ZNF514: variants seen among roughly 807,000 people sequenced by gnomAD.
ZNF514 encodes zinc finger protein 514.
In ZNF514, 12 loss-of-function variants were observed where a neutral mutation model predicts 9.7. That is an observed-to-expected ratio of 1.24 (90% CI 0.79 to 2.01). The LOEUF is 2.01. Among genes scored for constraint, ZNF514 ranks in the 30% most tolerant of loss-of-function variants. The pLI, the probability that ZNF514 is intolerant of heterozygous loss-of-function variation, is 0.00. For missense variants in ZNF514, 467 were observed against 465.5 expected (o/e 1.00, Z -0.03); for synonymous variants, 158 against 163.7 (o/e 0.97, Z 0.27).
In ZNF514 at chr2:95,157,183, C is replaced by T. The variant is rs557746180; in HGVS notation, c.-7+168G>A. ...GAGTGGGTGCACAGCAAGAAGAGAA[C>T]ACCCCGGACAGGTCAGGGAGCCATC... On this transcript the variant is annotated intron_variant, in intron 2 of 4. Transcript: ENST00000295208. Among the ~76,000 whole-genome samples the T allele has an allele frequency of 5.6e-4, 86 of 152,258 alleles. 1 individual carries two copies. The highest frequency in any genetic ancestry group is 1.9e-3 in the African/African-American group (78 of 41,554).
chr2:95,131,257 C>T, the ZNF514 span, among the ~76,000 whole-genome samples: 1 of 152,226 alleles, frequency 6.6e-6, no homozygotes. Flanking sequence ...CTACTCCCCA[C>T]TCTTCCTCAT....
chr2:95,127,427 T>G, the ZNF514 span, among the ~76,000 whole-genome samples: 16 of 152,228 alleles, frequency 1.1e-4, no homozygotes, highest in Non-Finnish European at 2.2e-4. Context: ...AAGGTCCTAG[T>G]GAGCCTGGCC....
chr2:95,130,967 G>A, the ZNF514 span, among the ~76,000 whole-genome samples: 1 of 152,300 alleles, frequency 6.6e-6, no homozygotes, highest in African/African-American at 2.4e-5. Flanking sequence ...GTAAAGACAG[G>A]CGTTAAGAAA....
chr2:95,124,011 C>A, the ZNF514 span, among the ~76,000 whole-genome samples: 3 of 152,182 alleles, frequency 2.0e-5, no homozygotes, highest in African/African-American at 7.2e-5. Context: ...ACATCAAAAC[C>A]AGGAAGCTGA....
At position 95,146,597 on chromosome 2, in the gene ZNF514, G is replaced by T. The variant is rs528729092; in HGVS notation, c.*2685C>A. ...GCAGGAGGTTGGAGCAGCCTAAAGA[G>T]GGCATTATATACCACACACGGGGGG... On this transcript the variant is annotated 3_prime_UTR_variant, in exon 5 of 5. Transcript: ENST00000295208. Among the ~76,000 whole-genome samples, 38 of 150,946 alleles carry T rather than the reference G, an allele frequency of 2.5e-4. No homozygotes were observed. Among genetic ancestry groups the T allele is most frequent in the Non-Finnish European group, 4.6e-4 (31 of 67,808 alleles).
rs1673365497 is a variant in ZNF514, at chr2:95,146,583, G to A, written c.*2699C>T. 6.6e-6 allele frequency among the ~76,000 whole-genome samples: 1 copy of A among 151,134 alleles called. No homozygotes were observed. Among genetic ancestry groups the A allele is most frequent in the South Asian group, 2.1e-4 (1 of 4,730 alleles). On this transcript the variant is annotated 3_prime_UTR_variant, in exon 5 of 5. Transcript: ENST00000295208. Reference sequence around the variant, plus strand: ...TTCTGTCAGGAGCAGCAGGAGGTTGGAGCAGCCTAAAGAGGGCATTATATA... The same window carrying A: ...TTCTGTCAGGAGCAGCAGGAGGTTGAAGCAGCCTAAAGAGGGCATTATATA...
chr2:95,139,279 G>T, the ZNF514 span, among the ~76,000 whole-genome samples: 11 of 152,220 alleles, frequency 7.2e-5, no homozygotes, highest in Non-Finnish European at 1.3e-4. Context: ...GCACTGCCTA[G>T]TGGAGCTGTG....
At chr2:95,125,000 C>T in the ZNF514 span, among the ~76,000 whole-genome samples, 2 of 150,438 alleles carry the variant, frequency 1.3e-5, no homozygotes, top group African/African-American at 2.4e-5. Context: ...TCCTGCCTCA[C>T]CCTCCTGAGT....
chr2:95,155,273 G>A (rs925973129), intron 2 of ZNF514: 1 of 152,270 alleles, frequency 6.6e-6, no homozygotes, highest in Non-Finnish European at 1.5e-5. Context: ...AACAGCCAAG[G>A]AAAACACTAG....
At chr2:95,138,771 C>T in the ZNF514 span, among the ~76,000 whole-genome samples, 92 of 152,280 alleles carry the variant, frequency 6.0e-4, no homozygotes, top group Non-Finnish European at 4.4e-5. Context: ...CAACTACTTG[C>T]TAGAGATATT....
chr2:95,143,928 A>G (rs540623829), downstream of ZNF514, among the ~76,000 whole-genome samples: 6 of 152,388 alleles, frequency 3.9e-5, no homozygotes, highest in South Asian at 4.1e-4. Context: ...TTGTTTATTC[A>G]TGTGGTCCTA....
the ZNF514 span, among the ~76,000 whole-genome samples, chr2:95,129,037 G>C: frequency 2.0e-5 from 3 of 152,192 alleles, no homozygotes; most frequent in Non-Finnish European, 4.4e-5. Context: ...CTCTGGTATA[G>C]GCCACTCTGG....
Position 95,149,959 on chromosome 2 carries a change from C to T in ZNF514, c.526G>A (p.Glu176Lys), listed in dbSNP as rs1193115954. 6.2e-7 allele frequency: 1 copy of T among 1,614,232 alleles called. No individual in the cohort carries two copies. The change falls in exon 5 of 5, where the codon GAA (glutamate) becomes AAA (lysine). Residue 176 changes from glutamate (E) to lysine (K), a missense_variant. Physicochemically the swap from Glu to Lys is moderately conservative, Grantham distance 56. Coordinates refer to ENST00000295208, the MANE Select transcript of ZNF514 (RefSeq NM_032788.3). The stretch of plus-strand genomic sequence containing the variant: ...TCTGTATCACATTTATAAGATCCTT[C>T]TCCCATGAGAATGCTGTGTTGGTTA... ...LVNQHSILMG[E>K]GSYKCDTEFR...
chr2:95,126,846 A>G, the ZNF514 span, among the ~76,000 whole-genome samples: 1 of 152,034 alleles, frequency 6.6e-6, no homozygotes, highest in Non-Finnish European at 1.5e-5. Context: ...TCATAACTCA[A>G]TGCAGCCTCA....
chr2:95,136,052 G>A, the ZNF514 span, among the ~76,000 whole-genome samples: 8 of 152,040 alleles, frequency 5.3e-5, no homozygotes, highest in Non-Finnish European at 1.2e-4. Context: ...GACAGAGCGA[G>A]ACTCCATCTC....
At chr2:95,153,471 CT>C (rs1408520894) in intron 2 of ZNF514, 1 of 409,162 alleles carries the variant, frequency 2.4e-6, no homozygotes, top group Non-Finnish European at 4.2e-6. Context: ...AATGAATATG[CT>C]TTGCATTCTC....
downstream of ZNF514, among the ~76,000 whole-genome samples, chr2:95,142,236 TA>T (rs1673253948): frequency 6.6e-6 from 1 of 152,226 alleles, no homozygotes; most frequent in Admixed American, 6.5e-5. Flanking sequence ...TGACAAGCTC[TA>T]GTCTCATCAA....
intron 4 of ZNF514, 152 bp downstream of exon 4, chr2:95,152,522 A>G: frequency 1.6e-6 from 1 of 643,456 alleles, no homozygotes; most frequent in Non-Finnish European, 2.7e-6. Flanking sequence ...TCCTGACACC[A>G]GAAATAATTA....
downstream of ZNF514, among the ~76,000 whole-genome samples, chr2:95,141,753 A>C (rs1256016644): frequency 1.3e-5 from 2 of 152,230 alleles, no homozygotes; most frequent in Non-Finnish European, 2.9e-5. Flanking sequence ...GGAATAAATC[A>C]ATCAAACTCT....
Sources: gnomAD v4.1 joint callset for allele counts (sites outside exome capture counted in the v4.1 genomes callset) on GRCh38, gnomAD v4.1.1 for gene constraint, MANE v1.5 for transcripts, NCBI Gene and HGNC (gene_info 2026-07-23, HGNC 2026-07-21) for gene names.